The following DNAJB1 variants were observed in gnomAD, a reference collection of about 807,000 sequenced individuals.
DNAJB1 encodes dnaJ homolog subfamily B member 1.
DNAJB1 carries 14 observed loss-of-function variants against 24.0 expected under a neutral mutation model. The ratio of observed to expected loss-of-function variants is 0.58; its 90% CI spans 0.39 to 0.91. DNAJB1 has a LOEUF of 0.91. Ranked by LOEUF, DNAJB1 falls within the 40% of genes least tolerant of loss-of-function variation. The pLI is 0.00. For missense variants in DNAJB1, 517 were observed against 458.1 expected (o/e 1.13, Z -1.17); for synonymous variants, 262 against 174.4 (o/e 1.50, Z -3.96).
At chr19:14,557,131 T>TATG (rs542168693) in intron 1 of DNAJB1, among the ~76,000 whole-genome samples, 16,338 of 149,944 alleles carry the variant, frequency 0.11, 1,135 homozygotes, top group African/African-American at 0.19. Flanking sequence ...ATTTATTTAT[T>TATG]TATTTATTTA....
chr19:14,542,636 A>G (rs182398577), intron 1 of DNAJB1, among the ~76,000 whole-genome samples: 109 of 152,244 alleles, frequency 7.2e-4, no homozygotes, highest in African/African-American at 2.6e-3. Context: ...TGTTGGGATT[A>G]GAGGCATTGA....
chr19:14,530,499 C>G (rs922218823), upstream of DNAJB1: 1 of 152,140 alleles, frequency 6.6e-6, no homozygotes, highest in Non-Finnish European at 1.5e-5. Context: ...TATTAAAATT[C>G]AAAATAACAA....
intron 1 of DNAJB1, among the ~76,000 whole-genome samples, chr19:14,545,377 C>G (rs181750633): frequency 6.6e-6 from 1 of 151,826 alleles, no homozygotes; most frequent in South Asian, 2.1e-4. Flanking sequence ...AGGGTCCTCC[C>G]GGGCACACCC....
chr19:14,531,623 T>C (rs1320585405), upstream of DNAJB1: 1 of 152,142 alleles, frequency 6.6e-6, no homozygotes, highest in Admixed American at 6.6e-5. Context: ...GGTTTCTCCA[T>C]GTTGGTCAGG....
chr19:14,526,570 G>T (rs1010896409), intron 2 of DNAJB1, among the ~76,000 whole-genome samples: 2 of 152,160 alleles, frequency 1.3e-5, no homozygotes, highest in African/African-American at 4.8e-5. Flanking sequence ...TGTATGTTCC[G>T]GTTGACACGC....
At chr19:14,553,943 C>T (rs375113775), upstream of DNAJB1, among the ~76,000 whole-genome samples, 25 of 152,306 alleles carry the variant, frequency 1.6e-4, no homozygotes, top group Middle Eastern at 3.4e-3. Context: ...CCAGCCAGGC[C>T]TCTTGTGCCC....
intron 1 of DNAJB1, among the ~76,000 whole-genome samples, chr19:14,546,584 TCTCA>T (rs1264155640): frequency 6.6e-6 from 1 of 152,170 alleles, no homozygotes; most frequent in South Asian, 2.1e-4. Context: ...GAAACAGGGC[TCTCA>T]CTATCTTGGC....
At chr19:14,522,683 GACACAC>G (rs56121204), upstream of DNAJB1, among the ~76,000 whole-genome samples, 5,817 of 117,820 alleles carry the variant, frequency 0.049, 151 homozygotes, top group South Asian at 0.059. Flanking sequence ...CACACACACA[GACACAC>G]ACACACACAC....
chr19:14,541,652 T>C (rs1170699536), intron 1 of DNAJB1, among the ~76,000 whole-genome samples: 2 of 152,174 alleles, frequency 1.3e-5, no homozygotes, highest in Non-Finnish European at 2.9e-5. Context: ...AGAATGGTGT[T>C]CTAGGCAGAG....
intron 1 of DNAJB1, chr19:14,544,976 GCGGTGTCCTTTT>G (rs2073249976): frequency 2.5e-6 from 1 of 405,958 alleles, no homozygotes; most frequent in Non-Finnish European, 5.0e-6. Context: ...TCTAGGAACT[GCGGTGTCCTTTT>G]CACTCCTTCC....
At chr19:14,518,504 A>G (rs1255242853), upstream of DNAJB1, 5 of 522,678 alleles carry the variant, frequency 9.6e-6, no homozygotes, top group Admixed American at 4.6e-5. Context: ...GCGCCGGCCA[A>G]TCGCCGCCGC....
At chr19:14,556,672 G>C (rs1052801064) in intron 1 of DNAJB1, among the ~76,000 whole-genome samples, 1 of 152,140 alleles carries the variant, frequency 6.6e-6, no homozygotes, top group Non-Finnish European at 1.5e-5. Flanking sequence ...ATGAATGCAG[G>C]CTCCCTGAGC....
At chr19:14,546,781 G>A (rs918590832) in intron 1 of DNAJB1, among the ~76,000 whole-genome samples, 4 of 152,042 alleles carry the variant, frequency 2.6e-5, no homozygotes, top group African/African-American at 9.7e-5. Flanking sequence ...ACCTCTGAGG[G>A]CGGGTTCAAG....
At chr19:14,524,853 A>AAAAAAAAAAAAG (rs1369150905) in intron 2 of DNAJB1, among the ~76,000 whole-genome samples, 1 of 150,890 alleles carries the variant, frequency 6.6e-6, no homozygotes, top group African/African-American at 2.4e-5. Context: ...CTCAAAAAAA[A>AAAAAAAAAAAAG]AAGACCTTCA....
At chr19:14,520,536 T>C (rs1203724300), upstream of DNAJB1, among the ~76,000 whole-genome samples, 2 of 152,188 alleles carry the variant, frequency 1.3e-5, no homozygotes, top group Non-Finnish European at 2.9e-5. Context: ...TCTGGTTCTC[T>C]TGGCCCACTC....
chr19:14,558,505 G>A (rs1033634052), intron 1 of DNAJB1, among the ~76,000 whole-genome samples: 2 of 152,128 alleles, frequency 1.3e-5, no homozygotes, highest in African/African-American at 2.4e-5. Context: ...GCTGGGCCCC[G>A]GGAATCTTGG....
At chr19:14,522,190 G>A (rs1404556701), upstream of DNAJB1, among the ~76,000 whole-genome samples, 3 of 152,118 alleles carry the variant, frequency 2.0e-5, no homozygotes, top group Admixed American at 2.0e-4. Flanking sequence ...ACTAATCTAG[G>A]TGTTGCTGTG....
intron 1 of DNAJB1, among the ~76,000 whole-genome samples, chr19:14,558,200 A>C (rs2073796605): frequency 6.6e-6 from 1 of 152,184 alleles, no homozygotes; most frequent in Admixed American, 6.5e-5. Context: ...ACAGCCAGGA[A>C]ATGGGCAGGT....
intron 1 of DNAJB1, among the ~76,000 whole-genome samples, chr19:14,544,557 T>A (rs1434459961): frequency 1.4e-5 from 2 of 144,646 alleles, no homozygotes; most frequent in Admixed American, 6.9e-5. Flanking sequence ...TTATAGCATA[T>A]CCTTGGTGAT....
Sources: gnomAD v4.1 joint callset for allele counts (sites outside exome capture counted in the v4.1 genomes callset) on GRCh38, gnomAD v4.1.1 for gene constraint, MANE v1.5 for transcripts, NCBI Gene and HGNC (gene_info 2026-07-23, HGNC 2026-07-21) for gene names.